EHBP1: variants seen among roughly 807,000 people sequenced by gnomAD.
EHBP1 encodes the protein EH domain-binding protein 1.
Under a neutral mutation model 144.0 loss-of-function variants are expected in EHBP1, and 55 were observed. That is an observed-to-expected ratio of 0.38 (90% CI 0.31 to 0.48). EHBP1 has a LOEUF of 0.48. Among genes scored for constraint, EHBP1 ranks in the 20% least tolerant of loss-of-function variants. EHBP1 has a pLI of 0.98. For missense variants in EHBP1, 1,200 were observed against 1,364.2 expected (o/e 0.88, Z 1.90); for synonymous variants, 469 against 472.7 (o/e 0.99, Z 0.10).
chr2:63,035,466 A>C (rs959413816), intron 19 of EHBP1, among the ~76,000 whole-genome samples: 3 of 152,204 alleles, frequency 2.0e-5, no homozygotes, highest in Admixed American at 2.0e-4. Flanking sequence ...GTTTAACTGA[A>C]AATAACACAG....
intron 5 of EHBP1, among the ~76,000 whole-genome samples, chr2:62,801,840 C>G (rs2044013524): frequency 6.6e-6 from 1 of 152,142 alleles, no homozygotes; most frequent in Non-Finnish European, 1.5e-5. Context: ...ATTCATTCAC[C>G]AATTTATTAA....
At chr2:62,994,066 T>C in intron 18 of EHBP1, 89 bp downstream of exon 18, 1 of 905,280 alleles carries the variant, frequency 1.1e-6, no homozygotes, top group Admixed American at 2.6e-5. Flanking sequence ...AATGAGATGT[T>C]AGGTTTTTTA....
chr2:62,751,618 C>CT lies in EHBP1; in HGVS notation c.162+4173dup, dbSNP rs1338402269. On this transcript the variant is annotated intron_variant, in intron 3 of 22. Transcript: ENST00000431489. ...GGCTGTGAATCCATCTGGTCCTCGA[C>CT]TTTTTTTGGTTGGTAAGCTATTAAT... Among the ~76,000 whole-genome samples, 16 of 152,186 alleles carry CT rather than the reference C, an allele frequency of 1.1e-4. No homozygotes were observed. The East Asian group carries it at 2.9e-3, about 28-fold the overall frequency.
At chr2:62,838,226 G>A (rs1444323199) in intron 7 of EHBP1, among the ~76,000 whole-genome samples, 3 of 152,182 alleles carry the variant, frequency 2.0e-5, no homozygotes, top group African/African-American at 7.2e-5. Context: ...TGAACAACCT[G>A]CTCTTGAATG....
chr2:62,719,543 G>A (rs761564196), intron 2 of EHBP1, among the ~76,000 whole-genome samples: 4 of 152,204 alleles, frequency 2.6e-5, no homozygotes, highest in Admixed American at 6.5e-5. Flanking sequence ...AAACGTAGCA[G>A]CATCTGTTGG....
chr2:62,940,958 C>T (rs1282981235), intron 10 of EHBP1, among the ~76,000 whole-genome samples: 1 of 152,028 alleles, frequency 6.6e-6, no homozygotes, highest in East Asian at 1.9e-4. Flanking sequence ...GTGCTAATGT[C>T]ATTTATACAT....
rs147113146 is a variant in EHBP1 at position 62,923,032 on chromosome 2, C to T, written c.1186-19686C>T. On this transcript the variant is annotated intron_variant, in intron 10 of 22. Transcript: ENST00000431489. ...GTGTGCACTCCCCATACTTCACCCA[C>T]CTCCTATGAGCCAAGCTCCTGAAGC... Among the ~76,000 whole-genome samples, 1,288 of 152,278 alleles carry T rather than the reference C, an allele frequency of 8.5e-3. 53 individuals are homozygous for T. Among genetic ancestry groups the T allele is most frequent in the Admixed American group, 0.067 (1,025 of 15,296 alleles).
chr2:62,939,676 T>C (rs1281663869), intron 10 of EHBP1, among the ~76,000 whole-genome samples: 1 of 151,888 alleles, frequency 6.6e-6, no homozygotes, highest in African/African-American at 2.4e-5. Flanking sequence ...AATGGAGCAA[T>C]CTGAGAGAGT....
intron 19 of EHBP1, among the ~76,000 whole-genome samples, chr2:63,036,578 C>G (rs2061449712): frequency 6.6e-6 from 1 of 151,800 alleles, no homozygotes. Context: ...ATATTAAATA[C>G]TAGCTTAGCA....
At chr2:62,940,980 A>G (rs1012940824) in intron 10 of EHBP1, among the ~76,000 whole-genome samples, 1 of 152,178 alleles carries the variant, frequency 6.6e-6, no homozygotes, top group African/African-American at 2.4e-5. Flanking sequence ...ACCTATGGAC[A>G]TGCTACTGAT....
chr2:62,707,642 A>G (rs2034731706), intron 2 of EHBP1, among the ~76,000 whole-genome samples: 1 of 152,252 alleles, frequency 6.6e-6, no homozygotes, highest in Non-Finnish European at 1.5e-5. Context: ...TATTGTGAGC[A>G]TTAATCCGTA....
At chr2:62,971,348 G>GT (rs1231309066) in intron 14 of EHBP1, among the ~76,000 whole-genome samples, 1 of 151,730 alleles carries the variant, frequency 6.6e-6, no homozygotes, top group African/African-American at 2.4e-5. Context: ...GGTTGGGAAC[G>GT]TAAGTTTTAA....
At chr2:63,039,131 A>C (rs2061560414) in intron 21 of EHBP1, among the ~76,000 whole-genome samples, 1 of 152,208 alleles carries the variant, frequency 6.6e-6, no homozygotes, top group Non-Finnish European at 1.5e-5. Context: ...TGTGATTTAA[A>C]GTTGTTTCCA....
chr2:62,942,305 T>C (rs1018970274), intron 10 of EHBP1, among the ~76,000 whole-genome samples: 1 of 152,244 alleles, frequency 6.6e-6, no homozygotes, highest in South Asian at 2.1e-4. Flanking sequence ...AAATTTGTGT[T>C]ACATTTGGAC....
Position 63,045,031 on chromosome 2 carries a change from C to T in EHBP1, c.3278-35C>T. ...GCGGGGGGCCGGGTGTTCGGAGGCC[C>T]TGCCGGTGGGTAACTAGCCTCCCGT... is the stretch of plus-strand genomic sequence containing the variant. On this transcript the variant is annotated intron_variant, in intron 21 of 22. Coordinates refer to ENST00000431489, the MANE Select transcript of EHBP1 (RefSeq NM_001142616.3). This position sits in a 1 kb window ranked among gnomAD's most constrained non-coding sequence, Gnocchi z 5.7. 2 of 1,499,824 alleles carry T rather than the reference C, an allele frequency of 1.3e-6. No homozygotes were observed. Among genetic ancestry groups the T allele is most frequent in the Non-Finnish European group, 9.1e-7 (1 of 1,102,386 alleles). 92.9% of individuals were successfully genotyped at this position (1,499,824 alleles called of 1,614,324 possible).
intron 7 of EHBP1, 78 bp from the exon 8 acceptor site, chr2:62,859,091 A>G: frequency 7.4e-7 from 1 of 1,356,716 alleles, no homozygotes; most frequent in South Asian, 1.7e-5. Flanking sequence ...GTGAACTTTT[A>G]CCATTTGAAA....
intron 2 of EHBP1, among the ~76,000 whole-genome samples, chr2:62,736,224 CTT>C (rs70962793): frequency 4.9e-5 from 5 of 102,220 alleles, no homozygotes; most frequent in Non-Finnish European, 8.3e-5. Context: ...TTCTCTTTGC[CTT>C]TTTTTTTTTT....
intron 1 of EHBP1, among the ~76,000 whole-genome samples, chr2:62,683,989 A>G (rs917377264): frequency 6.6e-6 from 1 of 152,244 alleles, no homozygotes; most frequent in Non-Finnish European, 1.5e-5. Flanking sequence ...AAGAGGTGTC[A>G]GGCACACTTG....
At chr2:62,684,847 C>T (rs1229873119) in intron 1 of EHBP1, among the ~76,000 whole-genome samples, 1 of 152,130 alleles carries the variant, frequency 6.6e-6, no homozygotes, top group African/African-American at 2.4e-5. Context: ...TATTAGTTTG[C>T]AAGGGCAGCC....
Sources: gnomAD v4.1 joint callset for allele counts (sites outside exome capture counted in the v4.1 genomes callset) on GRCh38, gnomAD v4.1.1 for gene constraint, Gnocchi (gnomAD v3.1) non-coding constraint, MANE v1.5 for transcripts, NCBI Gene and HGNC (gene_info 2026-07-23, HGNC 2026-07-21) for gene names.